MED26: variants seen among roughly 807,000 people sequenced by gnomAD.
The protein encoded by MED26 is mediator of RNA polymerase II transcription subunit 26.
In MED26, 7 loss-of-function variants were observed where a neutral mutation model predicts 43.7. That is an observed-to-expected ratio of 0.16 (90% CI 0.09 to 0.30). MED26 has a LOEUF of 0.30. MED26 is among the 10% of genes least tolerant of loss of function. The probability of loss-of-function intolerance (pLI) is 1.00; values close to 1 mark genes in which losing one functional copy is unlikely to be tolerated. For missense variants in MED26, 784 were observed against 840.6 expected, an observed-to-expected ratio of 0.93 and a Z score of 0.83; for synonymous variants, 375 against 371.1, an observed-to-expected ratio of 1.01 and a Z score of -0.12.
chr19:16,582,111 T>C (rs1033396964), intron 1 of MED26, among the ~76,000 whole-genome samples: 5 of 152,186 alleles, frequency 3.3e-5, no homozygotes, highest in Non-Finnish European at 5.9e-5. Flanking sequence ...AGATGATAAA[T>C]GTGTGTTGTG....
At chr19:16,613,782 A>G (rs2086210473) in intron 1 of MED26, among the ~76,000 whole-genome samples, 1 of 152,188 alleles carries the variant, frequency 6.6e-6, no homozygotes, top group Admixed American at 6.5e-5. Flanking sequence ...CATTTCTGTT[A>G]TGGCCCCAGG....
chr19:16,616,525 C>T (rs1315795859), intron 1 of MED26, among the ~76,000 whole-genome samples: 1 of 152,182 alleles, frequency 6.6e-6, no homozygotes, highest in East Asian at 1.9e-4. Context: ...GTCCAGCTTG[C>T]AGGAAGAAGG....
At chr19:16,583,243 G>T (rs1250881246) in intron 1 of MED26, among the ~76,000 whole-genome samples, 2 of 152,176 alleles carry the variant, frequency 1.3e-5, no homozygotes, top group Admixed American at 6.5e-5. Flanking sequence ...CTTGGGATTT[G>T]TTCCCAGTCC....
chr19:16,585,016 A>G (rs1353764252), intron 1 of MED26, among the ~76,000 whole-genome samples: 2 of 152,134 alleles, frequency 1.3e-5, no homozygotes, highest in Non-Finnish European at 2.9e-5. Flanking sequence ...GCTGGGTAGG[A>G]TGCCACCTCC....
chr19:16,598,289 A>G (rs1455645866), intron 1 of MED26, among the ~76,000 whole-genome samples: 1 of 142,746 alleles, frequency 7.0e-6, no homozygotes, highest in East Asian at 2.1e-4. Context: ...GTGAGCTGAG[A>G]TCACGCCATT....
chr19:16,578,481 C>T, intron 1 of MED26, 72 bp from the exon 2 acceptor site: 1 of 1,426,980 alleles, frequency 7.0e-7, no homozygotes, highest in Non-Finnish European at 9.8e-7. Flanking sequence ...CCTGCCCCAG[C>T]CTGCTCCAGT....
intron 1 of MED26, among the ~76,000 whole-genome samples, chr19:16,615,456 G>A (rs1187763325): frequency 2.0e-5 from 3 of 152,154 alleles, no homozygotes; most frequent in African/African-American, 7.2e-5. Context: ...TTAAAAATTT[G>A]GGGCAGCCAG....
At chr19:16,620,764 G>A (rs893685460) in intron 1 of MED26, among the ~76,000 whole-genome samples, 1 of 152,226 alleles carries the variant, frequency 6.6e-6, no homozygotes, top group African/African-American at 2.4e-5. Flanking sequence ...CAAATTCCAG[G>A]TGTCACACAC....
chr19:16,577,529 T>G lies in MED26; in HGVS notation c.301A>C (p.Thr101Pro). Residue 101 changes from threonine to proline, a missense_variant, in exon 3 of 3, where the codon ACC (threonine) becomes CCC (proline). By Grantham distance (38) the Thr-to-Pro change is conservative (BLOSUM62 -1). This residue lies in a region of MED26 where 719 missense variants were observed against 730.9 expected (regional missense o/e 0.98). Transcript: ENST00000263390. The surrounding 1 kb of genome is among the most constrained non-coding windows in gnomAD (Gnocchi z 8.1). ...EAALRGLAGA[T>P]GSANGGAHNC... ...TGTGCGCCCCCGTTGGCAGAGCCGG[T>G]GGCCCCCGCCAGCCCCCGCAGCGCC... 6.2e-7 allele frequency: 1 copy of G among 1,603,800 alleles called. No individual in the cohort carries two copies. Among genetic ancestry groups the G allele is most frequent in the South Asian group, 1.1e-5 (1 of 90,718 alleles).
rs574432342 is a variant in MED26, at chr19:16,623,489, C to A, written c.72+4383G>T. Among the ~76,000 whole-genome samples, 3 of 152,284 alleles carry A rather than the reference C, an allele frequency of 2.0e-5. No homozygotes were observed. In the East Asian group the frequency reaches 5.8e-4, roughly 29 times the overall value. ...AGTGCTGTAATGTTGAAGTAGAGAG[C>A]AAACTGGTCACACAGATTCATGAAA... is the stretch of plus-strand genomic sequence containing the variant. On this transcript the variant is annotated intron_variant, in intron 1 of 2. Coordinates refer to ENST00000263390, the MANE Select transcript of MED26 (RefSeq NM_004831.5).
At chr19:16,597,610 T>C (rs988538965) in intron 1 of MED26, among the ~76,000 whole-genome samples, 5 of 152,244 alleles carry the variant, frequency 3.3e-5, no homozygotes, top group African/African-American at 1.2e-4. Flanking sequence ...CTCTCTCTCC[T>C]GGTTCCCAGC....
At chr19:16,580,035 T>C (rs776277725) in intron 1 of MED26, among the ~76,000 whole-genome samples, 1 of 152,104 alleles carries the variant, frequency 6.6e-6, no homozygotes, top group Non-Finnish European at 1.5e-5. Flanking sequence ...CGTCCGCCAT[T>C]ACAAAATAAG....
At chr19:16,612,912 G>A (rs192178781) in intron 1 of MED26, among the ~76,000 whole-genome samples, 1 of 152,186 alleles carries the variant, frequency 6.6e-6, no homozygotes, top group Middle Eastern at 3.2e-3. Flanking sequence ...CTAAAGGAAA[G>A]ACTACCCTTG....
intron 1 of MED26, among the ~76,000 whole-genome samples, chr19:16,603,550 C>T (rs191384217): frequency 1.2e-4 from 18 of 152,274 alleles, no homozygotes; most frequent in Middle Eastern, 3.4e-3. Flanking sequence ...AATGCTAATA[C>T]CACATCTGCA....
chr19:16,626,574 TCA>T lies in MED26; in HGVS notation c.72+1296_72+1297del, dbSNP rs562375893. Among the ~76,000 whole-genome samples the T allele has an allele frequency of 1.1e-3, 162 of 152,306 alleles. 1 individual carries two copies. Among genetic ancestry groups the T allele is most frequent in the African/African-American group, 3.5e-3 (147 of 41,564 alleles). On this transcript the variant is annotated intron_variant, in intron 1 of 2. Coordinates refer to ENST00000263390, the MANE Select transcript of MED26 (RefSeq NM_004831.5). ...AGCCTTCGAAAAAACTCATAACCCT[TCA>T]GTCTTAACCAAAAATTGTATAAGCC...
chr19:16,581,942 T>C (rs1275561611), intron 1 of MED26, among the ~76,000 whole-genome samples: 2 of 152,246 alleles, frequency 1.3e-5, no homozygotes, highest in African/African-American at 2.4e-5. Context: ...CTGCTCTACC[T>C]GTAAGGTGCT....
At chr19:16,591,730 A>G (rs1311920678) in intron 1 of MED26, among the ~76,000 whole-genome samples, 1 of 152,204 alleles carries the variant, frequency 6.6e-6, no homozygotes, top group Non-Finnish European at 1.5e-5. Context: ...TCCCCAAAAC[A>G]TGGTGCAAGC....
In MED26 at chr19:16,577,440, G is replaced by A; in HGVS notation, c.390C>T (p.Arg130=). ...GCCCGGGCAGCCTCTGGAGGTCATT[G>A]CGGCTCTTCAGGTCATGGATGCTCC... The part of the protein sequence containing the change: ...PPRSIHDLKS[R]NDLQRLPGQR... Residue 130 remains arginine (R), a synonymous_variant, in exon 3 of 3, where the codon CGC becomes CGT. Coordinates refer to ENST00000263390, the MANE Select transcript of MED26 (RefSeq NM_004831.5). The surrounding 1 kb of genome is among the most constrained non-coding windows in gnomAD (Gnocchi z 8.1). The A allele has an allele frequency of 1.3e-6, 2 of 1,594,846 alleles. No individual in the cohort carries two copies. Among genetic ancestry groups the A allele is most frequent in the Non-Finnish European group, 1.7e-6 (2 of 1,167,866 alleles).
At chr19:16,607,103 C>A (rs909477309) in intron 1 of MED26, among the ~76,000 whole-genome samples, 1 of 152,092 alleles carries the variant, frequency 6.6e-6, no homozygotes, top group African/African-American at 2.4e-5. Flanking sequence ...GCTAAGCAGG[C>A]AACTGAGGTG....
Sources: gnomAD v4.1 joint callset for allele counts (sites outside exome capture counted in the v4.1 genomes callset) on GRCh38, gnomAD v4.1.1 for gene constraint, gnomAD v4.1.1 regional missense constraint, Gnocchi (gnomAD v3.1) non-coding constraint, MANE v1.5 for transcripts, NCBI Gene and HGNC (gene_info 2026-07-23, HGNC 2026-07-21) for gene names.